Variants in BAZ2A observed in about 807,000 individuals in gnomAD.
BAZ2A encodes bromodomain adjacent to zinc finger domain protein 2A.
BAZ2A carries 34 observed loss-of-function variants against 199.9 expected under a neutral mutation model. The observed-to-expected ratio is 0.17, with a 90% CI of 0.13 to 0.23. The LOEUF (loss-of-function observed/expected upper bound fraction) is 0.23. BAZ2A is among the 10% of genes least tolerant of loss of function. BAZ2A has a pLI of 1.00. For missense variants in BAZ2A, 2,002 were observed against 2,391.1 expected, an observed-to-expected ratio of 0.84 and a Z score of 3.39; for synonymous variants, 857 against 883.9, an observed-to-expected ratio of 0.97 and a Z score of 0.54.
In BAZ2A at chr12:56,598,420, C is replaced by A. The variant is rs761216218; in HGVS notation, c.*198G>T. ...AAGGACCTCATCTCTGCACCTCTTA[C>A]TTGAGGAGCAAGAGGAGGGAAGGGA... is the stretch of plus-strand genomic sequence containing the variant. On this transcript the variant is annotated 3_prime_UTR_variant, in exon 29 of 29. Coordinates refer to ENST00000549884, the MANE Select transcript of BAZ2A (RefSeq NM_001300905.2). 6.6e-5 allele frequency: 43 copies of A among 654,996 alleles called. No individual in the cohort carries two copies. The highest frequency in any genetic ancestry group is 9.9e-5 in the Non-Finnish European group (39 of 393,036). 40.6% of individuals were successfully genotyped at this position (654,996 alleles called of 1,614,324 possible). A position where few individuals can be genotyped will look rare whatever the true frequency, so the allele number is the denominator to read the frequency against.
chr12:56,623,883 C>T (rs1951001531), intron 1 of BAZ2A, among the ~76,000 whole-genome samples: 1 of 152,112 alleles, frequency 6.6e-6, no homozygotes, highest in Non-Finnish European at 1.5e-5. Context: ...TTCACTGTTC[C>T]CAGTTCCTGA....
chr12:56,624,861 G>A (rs956364973), intron 1 of BAZ2A, among the ~76,000 whole-genome samples: 4 of 152,162 alleles, frequency 2.6e-5, no homozygotes, highest in Non-Finnish European at 4.4e-5. Context: ...CCTGGAGGCT[G>A]CAGTGGGCTA....
intron 1 of BAZ2A, among the ~76,000 whole-genome samples, chr12:56,622,893 C>T (rs1425030607): frequency 6.6e-6 from 1 of 152,134 alleles, no homozygotes; most frequent in African/African-American, 2.4e-5. Context: ...GCTTTTCTCC[C>T]AGTTCCAATC....
chr12:56,637,188 G>A (rs1951468206), upstream of BAZ2A, among the ~76,000 whole-genome samples: 1 of 152,234 alleles, frequency 6.6e-6, no homozygotes, highest in African/African-American at 2.4e-5. Context: ...AGAGTCTCCA[G>A]TGCTACCGCG....
In BAZ2A at chr12:56,604,834, G is replaced by A; in HGVS notation, c.2749-35C>T. ...GGACAGCATAATGGGGGTGAGTAGGGAAAGATGCACAACCAAGTTGGGTGA... is the reference window on the plus strand; with the variant it reads ...GGACAGCATAATGGGGGTGAGTAGGAAAAGATGCACAACCAAGTTGGGTGA... On this transcript the variant is annotated intron_variant, in intron 14 of 28. Transcript: ENST00000549884. The A allele has an allele frequency of 1.3e-6, 2 of 1,596,356 alleles. 1 individual carries two copies. The highest frequency in any genetic ancestry group is 2.2e-5 in the South Asian group (2 of 89,244).
chr12:56,622,160 G>A (rs959509591), intron 1 of BAZ2A, among the ~76,000 whole-genome samples: 3 of 152,032 alleles, frequency 2.0e-5, no homozygotes, highest in Non-Finnish European at 4.4e-5. Flanking sequence ...CCAACATGGC[G>A]AAACCCCATC....
Position 56,596,276 on chromosome 12 carries a change from T to C in BAZ2A, c.*2342A>G, listed in dbSNP as rs1226249170. On this transcript the variant is annotated 3_prime_UTR_variant, in exon 29 of 29. Transcript: ENST00000549884. The stretch of plus-strand genomic sequence containing the variant: ...AAAAGGGCAGGGGGTGGGTTGTCTT[T>C]TTATTTTAAACCTGCTTTCCCTACC... 6.5e-6 allele frequency: 1 copy of C among 152,708 alleles called. No homozygotes were observed. The highest frequency in any genetic ancestry group is 6.5e-5 in the Admixed American group (1 of 15,290). The allele number at this position is 152,708 out of a possible 1,614,324, so 9.5% of individuals were successfully genotyped here.
intron 1 of BAZ2A, among the ~76,000 whole-genome samples, chr12:56,620,347 C>T (rs1039927987): frequency 6.6e-6 from 1 of 151,756 alleles, no homozygotes; most frequent in South Asian, 2.1e-4. Flanking sequence ...TGAAAAGACC[C>T]CAGGTTAGCC....
At chr12:56,635,079 A>T, upstream of BAZ2A, 7 of 975,464 alleles carry the variant, frequency 7.2e-6, no homozygotes, top group Non-Finnish European at 7.3e-6. The surrounding 1 kb of genome is among the most constrained non-coding windows in gnomAD (Gnocchi z 4.1). Flanking sequence ...TTAAAGGGGC[A>T]GGAACTACCG....
intron 8 of BAZ2A, 39 bp downstream of exon 8, chr12:56,610,370 G>A (rs1465059698): frequency 1.2e-6 from 2 of 1,601,448 alleles, no homozygotes; most frequent in African/African-American, 1.3e-5. Context: ...GGAGTCCACT[G>A]AGCCCAAGAA....
intron 1 of BAZ2A, chr12:56,629,865 C>T (rs1477689938): frequency 6.4e-6 from 1 of 157,472 alleles, no homozygotes; most frequent in Admixed American, 6.5e-5. Flanking sequence ...TCCTCACTGT[C>T]GCCGGGAGCC....
chr12:56,632,822 A>G (rs1951351119), upstream of BAZ2A, among the ~76,000 whole-genome samples: 1 of 152,018 alleles, frequency 6.6e-6, no homozygotes, highest in Non-Finnish European at 1.5e-5. Context: ...AGTGTGCCCA[A>G]CAGCTGGATG....
At position 56,618,503 on chromosome 12, in the gene BAZ2A, C is replaced by A. The variant is rs527393154; in HGVS notation, c.-2-971G>T. 3.3e-5 allele frequency among the ~76,000 whole-genome samples: 5 copies of A among 152,162 alleles called. No individual in the cohort carries two copies. The South Asian group carries it at 1.0e-3, about 32-fold the overall frequency. On this transcript the variant is annotated intron_variant, in intron 1 of 28. Transcript: ENST00000549884. ...AGCCAGAATTATTGGTAAACTCTAA[C>A]ATATCAATCGGATTCTTGTGACATC...
rs1886537482 is a variant in BAZ2A, at chr12:56,602,070, G to A, written c.3547C>T (p.Pro1183Ser). Residue 1183 changes from proline (P) to serine (S), a missense_variant, in exon 20 of 29, where the codon CCT (proline) becomes TCT (serine). This residue lies in a region of BAZ2A where 1,081 missense variants were observed against 1,274.7 expected (regional missense o/e 0.85). Transcript: ENST00000549884. ...CGAGGTCGGCCTCGGGCCCGGGCAGGAGAACTGGCAGTGGTGTTGGAGCCA... is the reference window on the plus strand; with the variant it reads ...CGAGGTCGGCCTCGGGCCCGGGCAGAAGAACTGGCAGTGGTGTTGGAGCCA... Reference protein sequence around the residue: ...LAGSNTTASSPARARGRPRKT... With the variant: ...LAGSNTTASSSARARGRPRKT... 1 of 1,568,826 alleles carries A rather than the reference G, an allele frequency of 6.4e-7. No homozygotes were observed. Among genetic ancestry groups the A allele is most frequent in the Non-Finnish European group, 8.6e-7 (1 of 1,156,404 alleles).
At chr12:56,622,204 G>C (rs1950942509) in intron 1 of BAZ2A, among the ~76,000 whole-genome samples, 1 of 152,048 alleles carries the variant, frequency 6.6e-6, no homozygotes, top group Non-Finnish European at 1.5e-5. Flanking sequence ...GCTGGGCGTG[G>C]TGGCGGGCAC....
At chr12:56,601,470 C>G in intron 20 of BAZ2A, 68 bp from the exon 21 acceptor site, 1 of 1,590,998 alleles carries the variant, frequency 6.3e-7, no homozygotes, top group Non-Finnish European at 8.6e-7. Flanking sequence ...CAACTTCAGG[C>G]AGCAGCTCCA....
intron 1 of BAZ2A, among the ~76,000 whole-genome samples, chr12:56,626,375 T>C (rs973414058): frequency 6.6e-6 from 1 of 152,194 alleles, no homozygotes; most frequent in Non-Finnish European, 1.5e-5. Flanking sequence ...GCAGTAAAAA[T>C]AGCAGTTTGG....
rs979638624 is a variant in BAZ2A, at chr12:56,614,234, C to T, written c.731-96G>A. ...AGTCAATCTTTGCTAGAAGGATGTT[C>T]ATTCATTCAACATTTATTGCGGCCA... On this transcript the variant is annotated intron_variant, in intron 3 of 28. Transcript: ENST00000549884. The T allele has an allele frequency of 7.9e-6, 10 of 1,272,804 alleles. No homozygotes were observed. In the Middle Eastern group the frequency reaches 9.5e-4, roughly 121 times the overall value. 78.8% of individuals were successfully genotyped at this position (1,272,804 alleles called of 1,614,324 possible). A position where few individuals can be genotyped will look rare whatever the true frequency, so the allele number is the denominator to read the frequency against.
chr12:56,621,201 T>C, intron 1 of BAZ2A: 1 of 985,438 alleles, frequency 1.0e-6, no homozygotes, highest in Non-Finnish European at 1.2e-6. Flanking sequence ...CGGTTCATTT[T>C]TCCATTCTCT....
Sources: gnomAD v4.1 joint callset for allele counts (sites outside exome capture counted in the v4.1 genomes callset) on GRCh38, gnomAD v4.1.1 for gene constraint, gnomAD v4.1.1 regional missense constraint, Gnocchi (gnomAD v3.1) non-coding constraint, MANE v1.5 for transcripts, NCBI Gene and HGNC (gene_info 2026-07-23, HGNC 2026-07-21) for gene names.